TUBB8: variants seen among roughly 807,000 people sequenced by gnomAD.
The protein encoded by TUBB8 is tubulin beta 8 class VIII, also known as tubulin beta-8 chain.
TUBB8 carries 25 observed loss-of-function variants against 33.7 expected under a neutral mutation model. The observed-to-expected ratio is 0.74, with a 90% CI of 0.54 to 1.04. The LOEUF (loss-of-function observed/expected upper bound fraction) is 1.04, where lower values mean the gene tolerates loss of function less well. Ranked by LOEUF, TUBB8 falls within the 50% of genes least tolerant of loss-of-function variation. The pLI, the probability that TUBB8 is intolerant of heterozygous loss-of-function variation, is 0.00. For synonymous variants in TUBB8, 245 were observed against 240.1 expected (o/e 1.02, Z -0.19); for missense variants, 279 against 608.0 (o/e 0.46, Z 5.69).
intron 1 of TUBB8, among the ~76,000 whole-genome samples, chr10:69,316 A>C (rs1446612441): frequency 6.6e-6 from 1 of 152,144 alleles, no homozygotes; most frequent in Non-Finnish European, 1.5e-5. Flanking sequence ...GGGTGTCTCG[A>C]GTATTTAATG....
upstream of TUBB8, among the ~76,000 whole-genome samples, chr10:75,470 C>T (rs1400419282): frequency 4.0e-5 from 6 of 151,606 alleles, no homozygotes; most frequent in East Asian, 2.0e-4. Context: ...GCCTGGCCCA[C>T]ATGAGGACAC....
chr10:61,363 CCTA>C (rs1162559411), intron 1 of TUBB8, among the ~76,000 whole-genome samples: 2 of 152,072 alleles, frequency 1.3e-5, no homozygotes, highest in East Asian at 3.8e-4. Context: ...TTTTTATTGA[CCTA>C]CTGATCATTC....
chr10:64,825 A>T (rs1288592763), intron 1 of TUBB8, among the ~76,000 whole-genome samples: 1 of 152,154 alleles, frequency 6.6e-6, no homozygotes, highest in Non-Finnish European at 1.5e-5. Flanking sequence ...AATTAAAAGA[A>T]TATTAAAATA....
At chr10:48,313 G>C in intron 3 of TUBB8, 199 bp from the exon 4 acceptor site, 2 of 668,266 alleles carry the variant, frequency 3.0e-6, no homozygotes, top group East Asian at 2.7e-5. Flanking sequence ...AGTCAAACCT[G>C]AGACGGGTTC....
upstream of TUBB8, among the ~76,000 whole-genome samples, chr10:75,511 C>T (rs1459109718): frequency 2.0e-5 from 3 of 149,934 alleles, no homozygotes; most frequent in Non-Finnish European, 3.0e-5. Flanking sequence ...AAAAATTAGC[C>T]AGATGTGGTG....
chr10:62,094 A>G (rs1160935002), intron 1 of TUBB8, among the ~76,000 whole-genome samples: 13 of 152,114 alleles, frequency 8.5e-5, no homozygotes, highest in African/African-American at 3.1e-4. Flanking sequence ...TGTACATTCA[A>G]TGTTATTATT....
At position 47,547 on chromosome 10, in the gene TUBB8, C is replaced by T. The variant is rs576662836; in HGVS notation, c.845G>A (p.Arg282Gln). The T allele has an allele frequency of 9.9e-6, 16 of 1,611,948 alleles. No homozygotes were observed. Among genetic ancestry groups the T allele is most frequent in the South Asian group, 9.9e-5 (9 of 91,010 alleles). The part of the protein sequence containing the change: ...PLTSRGSQQY[R>Q]ALTVAELTQQ... ...GGTAAGCTCAGCCACAGTCAAGGCCCGGTACTGCTGGCTGCCCCGGCTGGT... is the reference window on the plus strand; with the variant it reads ...GGTAAGCTCAGCCACAGTCAAGGCCTGGTACTGCTGGCTGCCCCGGCTGGT... Residue 282 changes from arginine to glutamine, a missense_variant, in exon 4 of 4, where the codon CGG (arginine) becomes CAG (glutamine). Coordinates refer to ENST00000568584, the MANE Select transcript of TUBB8 (RefSeq NM_177987.3).
upstream of TUBB8, among the ~76,000 whole-genome samples, chr10:50,413 G>C (rs1197090978): frequency 5.9e-5 from 9 of 151,562 alleles, no homozygotes; most frequent in Non-Finnish European, 1.2e-4. Context: ...TCTTCTTCAG[G>C]GTATTCTGGC....
chr10:76,174 CA>C (rs1305022778), upstream of TUBB8, among the ~76,000 whole-genome samples: 1 of 150,164 alleles, frequency 6.7e-6, no homozygotes, highest in Non-Finnish European at 1.5e-5. Flanking sequence ...GAGCACCGAT[CA>C]GGGGGCGTCT....
upstream of TUBB8, among the ~76,000 whole-genome samples, chr10:50,668 G>C (rs577298191): frequency 6.6e-6 from 1 of 152,262 alleles, no homozygotes; most frequent in South Asian, 2.1e-4. Context: ...CCAAATTGCA[G>C]CATAAGCATG....
chr10:73,650 A>T (rs56267745), intron 1 of TUBB8, among the ~76,000 whole-genome samples: 3 of 150,490 alleles, frequency 2.0e-5, no homozygotes, highest in Non-Finnish European at 1.5e-5. Flanking sequence ...TCTCCAAAAC[A>T]AAACAAAACA....
At position 47,225 on chromosome 10, in the gene TUBB8, G is replaced by C; in HGVS notation, c.1167C>G (p.Phe389Leu). The C allele has an allele frequency of 6.2e-7, 1 of 1,613,402 alleles. No individual in the cohort carries two copies. Among genetic ancestry groups the C allele is most frequent in the Non-Finnish European group, 8.5e-7 (1 of 1,179,908 alleles). The part of the protein sequence containing the change: ...KRVSEQFTAM[F>L]RRKAFLHWYT... Reference sequence around the variant, plus strand: ...ACCAGTGGAGGAAGGCCTTGCGCCTGAACATTGCTGTAAACTGCTCTGAGA... The same window carrying C: ...ACCAGTGGAGGAAGGCCTTGCGCCTCAACATTGCTGTAAACTGCTCTGAGA... Residue 389 changes from phenylalanine (F) to leucine (L), a missense_variant, in exon 4 of 4, where the codon TTC (phenylalanine) becomes TTG (leucine). Around this residue, in one of 4 missense-constraint regions of TUBB8, gnomAD observed 123 missense variants for 228.9 expected, o/e 0.54. Coordinates refer to ENST00000568584, the MANE Select transcript of TUBB8 (RefSeq NM_177987.3).
intron 1 of TUBB8, among the ~76,000 whole-genome samples, chr10:59,727 T>A (rs1282067314): frequency 6.6e-6 from 1 of 152,248 alleles, no homozygotes; most frequent in Non-Finnish European, 1.5e-5. Context: ...CCTCAAAGAA[T>A]GAGTTTGGAA....
chr10:54,062 A>G (rs1834500879), upstream of TUBB8, among the ~76,000 whole-genome samples: 1 of 152,230 alleles, frequency 6.6e-6, no homozygotes, highest in African/African-American at 2.4e-5. Flanking sequence ...ATACTATTTT[A>G]GTTTTTATAA....
rs561668724 is a variant in TUBB8, at chr10:63,605, T to A, written c.-846+10364A>T. Among the ~76,000 whole-genome samples, 488 of 152,358 alleles carry A rather than the reference T, an allele frequency of 3.2e-3. 1 individual carries two copies. Among genetic ancestry groups the A allele is most frequent in the Non-Finnish European group, 5.7e-3 (385 of 68,040 alleles). ...TCTGATGCATTCTTCAGTATGATAA[T>A]TGCATTTTAACTTCAGAATTTCTGC... On this transcript the variant is annotated intron_variant, in intron 1 of 3. Transcript: ENST00000564130.
At chr10:59,679 T>C (rs1554740633) in intron 1 of TUBB8, among the ~76,000 whole-genome samples, 1 of 152,250 alleles carries the variant, frequency 6.6e-6, no homozygotes, top group Non-Finnish European at 1.5e-5. Flanking sequence ...GCTTTTTAAA[T>C]GTGTCTTTGT....
At chr10:62,390 C>T (rs1267404974) in intron 1 of TUBB8, among the ~76,000 whole-genome samples, 13 of 152,348 alleles carry the variant, frequency 8.5e-5, no homozygotes, top group East Asian at 3.9e-4. Flanking sequence ...AAAAACTCTA[C>T]ACTTTAACTC....
intron 1 of TUBB8, among the ~76,000 whole-genome samples, chr10:69,647 G>A (rs1834711642): frequency 6.6e-6 from 1 of 152,214 alleles, no homozygotes; most frequent in African/African-American, 2.4e-5. Context: ...ACACTGGGCC[G>A]GGCATGGTGG....
chr10:73,734 C>T (rs1379347698), intron 1 of TUBB8, among the ~76,000 whole-genome samples: 1 of 151,958 alleles, frequency 6.6e-6, no homozygotes, highest in Middle Eastern at 3.4e-3. Flanking sequence ...CCCAACATCC[C>T]GACAGCCCGA....
Sources: gnomAD v4.1 joint callset for allele counts (sites outside exome capture counted in the v4.1 genomes callset) on GRCh38, gnomAD v4.1.1 for gene constraint, gnomAD v4.1.1 regional missense constraint, MANE v1.5 for transcripts, NCBI Gene and HGNC (gene_info 2026-07-23, HGNC 2026-07-21) for gene names.